The following MYT1L variants were observed in gnomAD, a reference collection of about 807,000 sequenced individuals.
MYT1L encodes myelin transcription factor 1 like, also known as myelin transcription factor 1-like protein.
A neutral mutation model predicts 126.7 loss-of-function variants in MYT1L; 12 were observed. The ratio of observed to expected loss-of-function variants is 0.09; its 90% confidence interval spans 0.06 to 0.15. The LOEUF (loss-of-function observed/expected upper bound fraction) is 0.15. MYT1L is among the 10% of genes least tolerant of loss of function. MYT1L has a pLI of 1.00. For synonymous variants in MYT1L, 541 were observed against 604.2 expected (o/e 0.90, Z 1.53); for missense variants, 979 against 1,585.2 (o/e 0.62, Z 6.49).
intron 3 of MYT1L, among the ~76,000 whole-genome samples, chr2:2,073,721 T>C (rs1456024694): frequency 3.9e-5 from 6 of 152,180 alleles, no homozygotes; most frequent in Non-Finnish European, 8.8e-5. Context: ...ATGTTCTGTG[T>C]TGTGAGGCTC....
At chr2:1,951,383 G>A (rs572892856) in intron 8 of MYT1L, among the ~76,000 whole-genome samples, 80 of 152,238 alleles carry the variant, frequency 5.3e-4, no homozygotes, top group African/African-American at 1.9e-3. Context: ...GATGGGTCCA[G>A]GGAGCATGAG....
chr2:2,242,424 C>A (rs925904774), intron 2 of MYT1L, among the ~76,000 whole-genome samples: 16 of 152,204 alleles, frequency 1.1e-4, no homozygotes, highest in Admixed American at 9.8e-4. Flanking sequence ...AAAGAACTTG[C>A]TGCTTTAGCT....
At chr2:1,849,989 A>C (rs1310507054) in intron 19 of MYT1L, among the ~76,000 whole-genome samples, 1 of 141,326 alleles carries the variant, frequency 7.1e-6, no homozygotes, top group Non-Finnish European at 1.5e-5. Context: ...GGTTTCACTC[A>C]GCTACTCTGT....
chr2:1,839,146 C>T lies in MYT1L; in HGVS notation c.3080+3G>A. ...CCAGGGTCCCGCAGACGCGGCCACT[C>T]ACCTGCGGTGTGTGAGGAAGCTGCC... On this transcript the variant is annotated splice_donor_region_variant and intron_variant, in intron 21 of 24. Coordinates refer to ENST00000647738, the MANE Select transcript of MYT1L (RefSeq NM_001303052.2). The T allele has an allele frequency of 6.2e-7, 1 of 1,609,660 alleles. No homozygotes were observed. Among genetic ancestry groups the T allele is most frequent in the Non-Finnish European group, 8.5e-7 (1 of 1,178,464 alleles).
At chr2:2,122,722 A>T (rs1348053831) in intron 3 of MYT1L, among the ~76,000 whole-genome samples, 1 of 152,128 alleles carries the variant, frequency 6.6e-6, no homozygotes, top group African/African-American at 2.4e-5. Context: ...GTCACAGAGA[A>T]CGCTGGGTTG....
intron 2 of MYT1L, among the ~76,000 whole-genome samples, chr2:2,189,211 G>C (rs1303293993): frequency 1.3e-5 from 2 of 152,226 alleles, no homozygotes; most frequent in African/African-American, 4.8e-5. Flanking sequence ...CCACCGCAGC[G>C]TAAGAGGCGG....
intron 3 of MYT1L, among the ~76,000 whole-genome samples, chr2:2,164,345 C>A (rs546357938): frequency 2.2e-4 from 33 of 152,216 alleles, no homozygotes; most frequent in African/African-American, 7.7e-4. Context: ...TGGAACTTAT[C>A]ATTTCCTGCT....
At chr2:2,255,257 G>C (rs2094774977) in intron 2 of MYT1L, among the ~76,000 whole-genome samples, 1 of 152,126 alleles carries the variant, frequency 6.6e-6, no homozygotes, top group Non-Finnish European at 1.5e-5. Flanking sequence ...CGATTACAGG[G>C]TGATTTCTTA....
At chr2:1,927,090 G>A (rs776826104) in intron 9 of MYT1L, among the ~76,000 whole-genome samples, 2 of 152,204 alleles carry the variant, frequency 1.3e-5, no homozygotes, top group South Asian at 2.1e-4. Flanking sequence ...CCTCCTGTGA[G>A]CGGGGGCCAG....
At chr2:2,286,005 T>C (rs1346669251) in intron 1 of MYT1L, among the ~76,000 whole-genome samples, 3 of 151,944 alleles carry the variant, frequency 2.0e-5, no homozygotes, top group African/African-American at 7.2e-5. Context: ...TTTTGTGAGA[T>C]GGACTGTCAC....
chr2:2,110,440 T>C (rs1489111576), intron 3 of MYT1L, among the ~76,000 whole-genome samples: 1 of 152,064 alleles, frequency 6.6e-6, no homozygotes, highest in Non-Finnish European at 1.5e-5. Flanking sequence ...GCTTCTGTTT[T>C]TACCACTTCA....
chr2:1,885,144 AAATTCAAAGG>A (rs1402031530), intron 18 of MYT1L: 1 of 152,258 alleles, frequency 6.6e-6, no homozygotes, highest in Non-Finnish European at 1.5e-5. Flanking sequence ...CCTCATCAAG[AAATTCAAAGG>A]AATGCTGCCA....
intron 14 of MYT1L, among the ~76,000 whole-genome samples, chr2:1,895,793 A>G (rs35476445): frequency 0.058 from 8,851 of 152,272 alleles, 283 homozygotes; most frequent in Non-Finnish European, 0.069. Context: ...ATTTTTTTTG[A>G]CTAGGTCTCC....
intron 3 of MYT1L, among the ~76,000 whole-genome samples, chr2:2,097,810 A>C (rs1304626095): frequency 6.6e-6 from 1 of 152,134 alleles, no homozygotes; most frequent in Non-Finnish European, 1.5e-5. Flanking sequence ...CCTCCTCCAC[A>C]TCTCATGTTT....
chr2:2,190,610 G>A (rs1004542741), intron 2 of MYT1L, among the ~76,000 whole-genome samples: 1 of 149,624 alleles, frequency 6.7e-6, no homozygotes, highest in Non-Finnish European at 1.5e-5. Context: ...AAGTACTTGT[G>A]TCCTGGATTC....
chr2:2,249,568 A>G (rs571870371), intron 2 of MYT1L, among the ~76,000 whole-genome samples: 1 of 152,254 alleles, frequency 6.6e-6, no homozygotes, highest in Admixed American at 6.5e-5. Context: ...TCAAACTATG[A>G]AAGCACTATA....
chr2:2,092,578 C>G (rs941861033), intron 3 of MYT1L, among the ~76,000 whole-genome samples: 3 of 152,134 alleles, frequency 2.0e-5, no homozygotes. Flanking sequence ...AGGGTTGTCA[C>G]AAACCTGCAA....
chr2:1,947,970 G>A lies in MYT1L; in HGVS notation c.153-4636C>T, dbSNP rs949009670. On this transcript the variant is annotated intron_variant, in intron 8 of 24. Transcript: ENST00000647738. The stretch of plus-strand genomic sequence containing the variant: ...GGGCGTGAGCTCCAGGCTTGGTGTT[G>A]TTAACACCTCTTTGAGCACCCGGAC... Among the ~76,000 whole-genome samples the A allele has an allele frequency of 2.6e-5, 4 of 152,228 alleles. 1 individual carries two copies. Among genetic ancestry groups the A allele is most frequent in the Admixed American group, 1.3e-4 (2 of 15,284 alleles).
At chr2:1,961,740 C>T (rs1171711296) in intron 8 of MYT1L, among the ~76,000 whole-genome samples, 4 of 152,220 alleles carry the variant, frequency 2.6e-5, no homozygotes, top group South Asian at 2.1e-4. Flanking sequence ...AGGCAGGCCT[C>T]GGAGACGTGG....
Sources: gnomAD v4.1 joint callset for allele counts (sites outside exome capture counted in the v4.1 genomes callset) on GRCh38, gnomAD v4.1.1 for gene constraint, MANE v1.5 for transcripts, NCBI Gene and HGNC (gene_info 2026-07-23, HGNC 2026-07-21) for gene names.